The following OPHN1 variants were observed in gnomAD, a reference collection of about 807,000 sequenced individuals.
The protein encoded by OPHN1 is oligophrenin 1.
Under a neutral mutation model 60.7 loss-of-function variants are expected in OPHN1, and 11 were observed. That is an observed-to-expected ratio of 0.18 (90% confidence interval 0.11 to 0.30). The LOEUF (loss-of-function observed/expected upper bound fraction) is 0.30, where lower values mean the gene tolerates loss of function less well. Ranked by LOEUF, OPHN1 falls within the 10% of genes least tolerant of loss-of-function variation. OPHN1 has a pLI of 1.00. For synonymous variants in OPHN1, 226 were observed against 222.6 expected (o/e 1.02, Z -0.14); for missense variants, 449 against 611.0 (o/e 0.73, Z 2.80).
chrX:68,069,675 T>C (rs1228107263), intron 20 of OPHN1, among the ~76,000 whole-genome samples: 1 of 109,773 alleles, frequency 9.1e-6, no homozygotes, highest in Non-Finnish European at 1.9e-5. Context: ...GGGATATGAG[T>C]TGCATTAAGC....
chrX:68,323,288 C>T (rs1308563898), intron 2 of OPHN1, among the ~76,000 whole-genome samples: 1 of 111,783 alleles, frequency 8.9e-6, no homozygotes, highest in African/African-American at 3.2e-5. Context: ...AGTCTAGCTA[C>T]AATGGCTTCC....
intron 2 of OPHN1, among the ~76,000 whole-genome samples, chrX:68,333,255 A>AAAG (rs1569283319): frequency 9.3e-6 from 1 of 108,097 alleles, no homozygotes; most frequent in African/African-American, 3.4e-5. Flanking sequence ...CCATCTCTAC[A>AAAG]AATAATAATA....
At chrX:68,316,598 CCACGCACATTACTTGGTTCCTGACCA>C (rs2078200474) in intron 2 of OPHN1, among the ~76,000 whole-genome samples, 2 of 111,345 alleles carry the variant, frequency 1.8e-5, no homozygotes, top group Admixed American at 9.6e-5. Flanking sequence ...CCTTTCCCAG[CCACGCACATTACTTGGTTCCTGACCA>C]AAGATTTCTC....
chrX:68,237,140 T>C (rs2077756772), intron 5 of OPHN1, among the ~76,000 whole-genome samples: 1 of 111,657 alleles, frequency 9.0e-6, no homozygotes, highest in East Asian at 2.8e-4. Context: ...CATGTGCCAC[T>C]ACACCCAGCT....
chrX:68,058,400 G>T (rs2076881420), intron 21 of OPHN1, among the ~76,000 whole-genome samples: 1 of 111,012 alleles, frequency 9.0e-6, no homozygotes, highest in Non-Finnish European at 1.9e-5. Flanking sequence ...CACATTAGAG[G>T]GTCAATCTTG....
chrX:68,242,431 G>A (rs760376159), intron 5 of OPHN1, among the ~76,000 whole-genome samples: 1 of 111,195 alleles, frequency 9.0e-6, no homozygotes, highest in South Asian at 3.8e-4. Flanking sequence ...AAGTGTTCTT[G>A]AGGATGTGAA....
At chrX:68,065,006 G>T (rs868320284) in intron 20 of OPHN1, among the ~76,000 whole-genome samples, 24 of 110,694 alleles carry the variant, frequency 2.2e-4, no homozygotes, top group Non-Finnish European at 3.4e-4. Context: ...GTGGGCGGAG[G>T]GGGGAGGGAA....
Position 68,222,798 on chromosome X carries a change from G to C in OPHN1, c.487-8826C>G, listed in dbSNP as rs1267522756. Among the ~76,000 whole-genome samples the C allele has an allele frequency of 1.8e-4, 13 of 70,276 alleles. 1 individual carries two copies. In the East Asian group the frequency reaches 6.5e-3, roughly 35 times the overall value. The allele number at this position is 70,276 out of a possible 115,157, so 61.0% of individuals were successfully genotyped here. A position where few individuals can be genotyped will look rare whatever the true frequency, so the allele number is the denominator to read the frequency against. Reference sequence around the variant, plus strand: ...TGTTGTGGGGTGGGGGGAGGGGGGAGGGATAGCATCGGCAGATATACCTAA... The same window carrying C: ...TGTTGTGGGGTGGGGGGAGGGGGGACGGATAGCATCGGCAGATATACCTAA... On this transcript the variant is annotated intron_variant, in intron 6 of 24. Coordinates refer to ENST00000355520, the MANE Select transcript of OPHN1 (RefSeq NM_002547.3).
At chrX:68,160,617 A>C (rs1338122885) in intron 15 of OPHN1, among the ~76,000 whole-genome samples, 2 of 111,829 alleles carry the variant, frequency 1.8e-5, no homozygotes, top group African/African-American at 6.5e-5. Context: ...GAAATCAATA[A>C]CAAAGAAATT....
chrX:68,088,210 T>C (rs1391850377), intron 19 of OPHN1, among the ~76,000 whole-genome samples: 2 of 111,465 alleles, frequency 1.8e-5, no homozygotes, highest in Non-Finnish European at 3.8e-5. Context: ...GGGTGTCATT[T>C]CCCCTAAAAA....
At chrX:68,264,280 T>G (rs192766393) in intron 5 of OPHN1, among the ~76,000 whole-genome samples, 50 of 111,527 alleles carry the variant, frequency 4.5e-4, no homozygotes, top group African/African-American at 1.5e-3. Flanking sequence ...CTAAAGAGCT[T>G]CTGCACAGCA....
chrX:68,416,053 TATATATATATATATAG>T (rs1208763285), intron 2 of OPHN1, among the ~76,000 whole-genome samples: 79 of 11,083 alleles, frequency 7.1e-3, no homozygotes, highest in African/African-American at 9.7e-3. Flanking sequence ...TATATATATA[TATATATATATATATAG>T]AGAGAGAGAG....
chrX:68,047,373 G>A (rs1349099371), intron 24 of OPHN1, among the ~76,000 whole-genome samples: 1 of 111,589 alleles, frequency 9.0e-6, no homozygotes, highest in East Asian at 2.8e-4. Flanking sequence ...TGGACACTTT[G>A]TGCCTTTGAC....
chrX:68,292,384 A>G lies in OPHN1; in HGVS notation c.250+6617T>C, dbSNP rs191697906. Among the ~76,000 whole-genome samples the G allele has an allele frequency of 6.1e-3, 679 of 111,773 alleles. 3 individuals are homozygous for G. Among genetic ancestry groups the G allele is most frequent in the Non-Finnish European group, 0.01 (552 of 53,189 alleles). On this transcript the variant is annotated intron_variant, in intron 3 of 24. Transcript: ENST00000355520. Reference sequence around the variant, plus strand: ...GAAAATAGTGTTATTATGATTATAGATTTTTTGTAAAATCTTTTTATGGAT... The same window carrying G: ...GAAAATAGTGTTATTATGATTATAGGTTTTTTGTAAAATCTTTTTATGGAT...
Position 68,174,469 on chromosome X carries a change from C to T in OPHN1, c.1276+18450G>A, listed in dbSNP as rs200465087. Among the ~76,000 whole-genome samples, 49 of 76,260 alleles carry T rather than the reference C, an allele frequency of 6.4e-4. 1 individual carries two copies. The highest frequency in any genetic ancestry group is 1.3e-3 in the Admixed American group (7 of 5,335). 66.2% of individuals were successfully genotyped at this position (76,260 alleles called of 115,157 possible). On this transcript the variant is annotated intron_variant, in intron 15 of 24. Coordinates refer to ENST00000355520, the MANE Select transcript of OPHN1 (RefSeq NM_002547.3). ...GGAATGTTTAGTTTATTAACTTATTCTTTTTTTTTTTTTTTTTTTTGAGAC... is the reference window on the plus strand; with the variant it reads ...GGAATGTTTAGTTTATTAACTTATTTTTTTTTTTTTTTTTTTTTTTGAGAC...
chrX:68,097,180 G>A, intron 18 of OPHN1, 151 bp from the exon 19 acceptor site: 1 of 492,152 alleles, frequency 2.0e-6, no homozygotes, highest in Non-Finnish European at 3.3e-6. Context: ...GATTACAAAG[G>A]AAACAATCAG....
intron 15 of OPHN1, among the ~76,000 whole-genome samples, chrX:68,166,781 T>C (rs748584929): frequency 7.2e-5 from 8 of 111,381 alleles, no homozygotes; most frequent in Non-Finnish European, 1.1e-4. Flanking sequence ...AGAACATACA[T>C]TGGGGAAAGG....
At chrX:68,121,132 A>T (rs1282314357) in intron 15 of OPHN1, among the ~76,000 whole-genome samples, 2 of 112,459 alleles carry the variant, frequency 1.8e-5, no homozygotes, top group Admixed American at 9.4e-5. Context: ...ATGCTAACGT[A>T]GACAAATGGA....
At chrX:68,158,213 T>C (rs1380090925) in intron 15 of OPHN1, among the ~76,000 whole-genome samples, 1 of 112,501 alleles carries the variant, frequency 8.9e-6, no homozygotes, top group African/African-American at 3.2e-5. Flanking sequence ...GCAAAAGCAG[T>C]GTAGAAAGAG....
Sources: allele counts gnomAD v4.1 joint callset (sites outside exome capture counted in the v4.1 genomes callset), GRCh38; gene constraint gnomAD v4.1.1; transcripts MANE v1.5; gene names NCBI Gene and HGNC (gene_info 2026-07-23, HGNC 2026-07-21).